Variants in RARB observed in about 807,000 individuals in gnomAD.
RARB encodes the protein HBV-activated protein.
A neutral mutation model predicts 51.9 loss-of-function variants in RARB; 17 were observed. The ratio of observed to expected loss-of-function variants is 0.33; its 90% CI spans 0.22 to 0.49. The LOEUF (loss-of-function observed/expected upper bound fraction) is 0.49. RARB is among the 20% of genes least tolerant of loss of function. The pLI, the probability that RARB is intolerant of heterozygous loss-of-function variation, is 0.99. For synonymous variants in RARB, 215 were observed against 195.4 expected, an observed-to-expected ratio of 1.10 and a Z score of -0.84; for missense variants, 369 against 550.8, an observed-to-expected ratio of 0.67 and a Z score of 3.30.
chr3:25,036,183 C>T (rs7640521), intron 2 of RARB, among the ~76,000 whole-genome samples: 30,837 of 151,872 alleles, frequency 0.2, 3,153 homozygotes, highest in East Asian at 0.24. Context: ...AATAAGGGAA[C>T]GAATACCAAA....
intron 5 of RARB, among the ~76,000 whole-genome samples, chr3:25,241,444 C>A (rs778060819): frequency 6.6e-6 from 1 of 152,092 alleles, no homozygotes; most frequent in Non-Finnish European, 1.5e-5. Flanking sequence ...AGCTATTTCT[C>A]CTAATGCTAT....
At chr3:25,099,434 A>G (rs935828607) in intron 3 of RARB, among the ~76,000 whole-genome samples, 7 of 152,122 alleles carry the variant, frequency 4.6e-5, no homozygotes, top group Admixed American at 4.6e-4. Context: ...GAAGCATTTC[A>G]TTTATAATGT....
intron 2 of RARB, among the ~76,000 whole-genome samples, chr3:25,005,936 C>T (rs992805561): frequency 1.3e-5 from 2 of 152,122 alleles, no homozygotes; most frequent in African/African-American, 4.8e-5. Context: ...TTCATCTCCT[C>T]TCTTTGCCCC....
rs926280834 is a variant in RARB at position 25,221,234 on chromosome 3, T to C, written c.178+46659T>C. ...TGAACATAAAATTCCCTAAGCATCA[T>C]AGCAGTCAAGGGAAAAAGGAAAAAA... On this transcript the variant is annotated intron_variant, in intron 5 of 11. Transcript: ENST00000383772. Among the ~76,000 whole-genome samples, 9 of 149,448 alleles carry C rather than the reference T, an allele frequency of 6.0e-5. 1 individual carries two copies. Among genetic ancestry groups the C allele is most frequent in the Admixed American group, 2.6e-4 (4 of 15,218 alleles).
chr3:25,120,526 A>ACTCTCTCTCTCTCTCTCT (rs1699765923), intron 3 of RARB, among the ~76,000 whole-genome samples: 1 of 54,016 alleles, frequency 1.9e-5, no homozygotes, highest in African/African-American at 5.8e-5. Flanking sequence ...TATATATAAA[A>ACTCTCTCTCTCTCTCTCT]ATCTCTCTCT....
chr3:25,135,068 G>A (rs1700011667), intron 4 of RARB, among the ~76,000 whole-genome samples: 2 of 146,466 alleles, frequency 1.4e-5, no homozygotes, highest in South Asian at 4.3e-4. Flanking sequence ...TTTTTTTTTG[G>A]TCTGAGTTTA....
intron 2 of RARB, among the ~76,000 whole-genome samples, chr3:25,482,024 C>T (rs1321755364): frequency 6.6e-6 from 1 of 152,194 alleles, no homozygotes; most frequent in Non-Finnish European, 1.5e-5. Context: ...AGAGGCCGAA[C>T]TTGAACCTAG....
At chr3:24,938,133 G>C (rs1443183388) in intron 2 of RARB, among the ~76,000 whole-genome samples, 1 of 152,152 alleles carries the variant, frequency 6.6e-6, no homozygotes, top group Admixed American at 6.5e-5. Context: ...GGTTAACCTT[G>C]GCTGGGCCAA....
intron 2 of RARB, among the ~76,000 whole-genome samples, chr3:24,865,454 T>C (rs1247808417): frequency 6.6e-6 from 1 of 152,134 alleles, no homozygotes; most frequent in Non-Finnish European, 1.5e-5. Context: ...GAAACTTCTG[T>C]TATCCCCATT....
chr3:25,100,530 C>T (rs759880642), intron 3 of RARB, among the ~76,000 whole-genome samples: 16 of 152,142 alleles, frequency 1.1e-4, no homozygotes, highest in African/African-American at 2.9e-4. Flanking sequence ...GATCTGGTTC[C>T]TAAGAATACA....
intron 4 of RARB, among the ~76,000 whole-genome samples, chr3:25,572,108 C>A (rs1317107473): frequency 6.6e-6 from 1 of 152,120 alleles, no homozygotes; most frequent in African/African-American, 2.4e-5. Flanking sequence ...GGAACTCAGG[C>A]TGGCACAGTG....
At chr3:25,008,231 T>C (rs1262481501) in intron 2 of RARB, among the ~76,000 whole-genome samples, 1 of 152,154 alleles carries the variant, frequency 6.6e-6, no homozygotes, top group Non-Finnish European at 1.5e-5. Context: ...GCAGGGCTTG[T>C]ACATTTTAGC....
intron 2 of RARB, among the ~76,000 whole-genome samples, chr3:25,053,353 A>G (rs1204720088): frequency 6.6e-6 from 1 of 152,166 alleles, no homozygotes; most frequent in Non-Finnish European, 1.5e-5. Flanking sequence ...CAAGACTGCA[A>G]GCTTTCCTAG....
At chr3:24,844,404 C>T (rs1480090649) in intron 1 of RARB, among the ~76,000 whole-genome samples, 3 of 152,140 alleles carry the variant, frequency 2.0e-5, no homozygotes, top group Admixed American at 2.0e-4. Context: ...GGCACTGCAC[C>T]AGGATTATAA....
At chr3:25,303,975 G>T (rs1184914524) in intron 5 of RARB, among the ~76,000 whole-genome samples, 2 of 152,106 alleles carry the variant, frequency 1.3e-5, no homozygotes, top group East Asian at 3.9e-4. Flanking sequence ...CTATGAAAAA[G>T]AACACTGAAC....
At chr3:24,927,217 G>GAAAA (rs1465201232) in intron 2 of RARB, among the ~76,000 whole-genome samples, 9 of 152,036 alleles carry the variant, frequency 5.9e-5, no homozygotes, top group African/African-American at 1.7e-4. Flanking sequence ...TACAAAATTA[G>GAAAA]AAAAAAGTAA....
intron 5 of RARB, among the ~76,000 whole-genome samples, chr3:25,176,350 C>CTTTCTTTCTTTCTTTCT (rs1700749355): frequency 4.0e-5 from 2 of 50,488 alleles, no homozygotes; most frequent in African/African-American, 6.5e-5. Context: ...TCCTTCCTTC[C>CTTTCTTTCTTTCTTTCT]TTCCTTCCTT....
intron 5 of RARB, among the ~76,000 whole-genome samples, chr3:25,191,799 A>G (rs1211172962): frequency 6.6e-6 from 1 of 152,134 alleles, no homozygotes; most frequent in Non-Finnish European, 1.5e-5. Flanking sequence ...TACAAGGCAC[A>G]GTAGTTTGCT....
intron 3 of RARB, among the ~76,000 whole-genome samples, chr3:25,128,531 T>C (rs1301307901): frequency 4.0e-5 from 6 of 151,012 alleles, no homozygotes; most frequent in Non-Finnish European, 7.4e-5. Flanking sequence ...TTTTGTACTT[T>C]TGGGGACATG....
Sources: gnomAD v4.1 joint callset for allele counts (sites outside exome capture counted in the v4.1 genomes callset) on GRCh38, gnomAD v4.1.1 for gene constraint, MANE v1.5 for transcripts, NCBI Gene and HGNC (gene_info 2026-07-23, HGNC 2026-07-21) for gene names.